Variants in TJP1 observed in about 807,000 individuals in gnomAD.
The protein encoded by TJP1 is tight junction protein 1.
In TJP1, 43 loss-of-function variants were observed where a neutral mutation model predicts 194.2. The observed-to-expected ratio is 0.22, with a 90% CI of 0.17 to 0.29. TJP1 has a LOEUF of 0.29. Ranked by LOEUF, TJP1 falls within the 10% of genes least tolerant of loss-of-function variation. TJP1 has a pLI of 1.00. For missense variants in TJP1, 1,971 were observed against 2,185.7 expected, an observed-to-expected ratio of 0.90 and a Z score of 1.96; for synonymous variants, 801 against 779.0, an observed-to-expected ratio of 1.03 and a Z score of -0.47.
intron 1 of TJP1, among the ~76,000 whole-genome samples, chr15:29,809,518 C>A (rs149041100): frequency 6.6e-6 from 1 of 152,224 alleles, no homozygotes; most frequent in Non-Finnish European, 1.5e-5. Flanking sequence ...AAGAGGACCT[C>A]ATCAAGGAAA....
chr15:29,902,966 G>A (rs1018511000), intron 2 of TJP1, among the ~76,000 whole-genome samples: 9 of 151,852 alleles, frequency 5.9e-5, no homozygotes, highest in Non-Finnish European at 1.3e-4. Context: ...CCTGGAAGGC[G>A]GAAATTGTCA....
chr15:29,826,178 A>G (rs2050669780), upstream of TJP1, among the ~76,000 whole-genome samples: 1 of 152,168 alleles, frequency 6.6e-6, no homozygotes, highest in African/African-American at 2.4e-5. Context: ...AACACTAAAA[A>G]ACAAGTCTTT....
At chr15:29,948,304 C>T (rs552433687) in intron 2 of TJP1, among the ~76,000 whole-genome samples, 2 of 151,688 alleles carry the variant, frequency 1.3e-5, no homozygotes, top group Non-Finnish European at 2.9e-5. Context: ...ACCAAAGGCA[C>T]TGAGTGATAT....
intron 2 of TJP1, among the ~76,000 whole-genome samples, chr15:29,938,196 G>A (rs912258098): frequency 6.6e-6 from 1 of 152,168 alleles, no homozygotes; most frequent in Non-Finnish European, 1.5e-5. Context: ...CAATGGTATG[G>A]GAAGGTCGGT....
rs1314372887 is a variant in TJP1, at chr15:29,720,623, T to C, written c.2498A>G (p.Tyr833Cys). The C allele has an allele frequency of 3.7e-6, 6 of 1,614,042 alleles. No homozygotes were observed. The African/African-American group carries it at 4.0e-5, about 11-fold the overall frequency. ...AGAAGTGTGTCTACTGTCCGTGCTA[T>C]ACATTGAGTATTCACTACCTGGAGC... ...LSAPGSEYSM[Y>C]STDSRHTSDY... The change falls in exon 19 of 28, where the codon TAT (tyrosine) becomes TGT (cysteine). Residue 833 changes from tyrosine to cysteine, a missense_variant. Tyr to Cys is a radical substitution (Grantham distance 194). Transcript: ENST00000614355.
intron 23 of TJP1, among the ~76,000 whole-genome samples, chr15:29,714,537 C>CATATAA (rs758899560): frequency 1.1e-5 from 1 of 88,982 alleles, no homozygotes; most frequent in African/African-American, 4.8e-5. Flanking sequence ...TGCGCCCAGC[C>CATATAA]TTTTTTTTTT....
rs564016596 is a variant in TJP1 at position 29,750,610 on chromosome 15, TCTTA to T, written c.1011-7833_1011-7830del. Among the ~76,000 whole-genome samples the T allele has an allele frequency of 3.3e-5, 5 of 152,310 alleles. No homozygotes were observed. The South Asian group carries it at 1.0e-3, about 32-fold the overall frequency. ...GGTCGCCATTTCATAGCCCTTTCCC[TCTTA>T]CTTCTAGCTCTATGAACACCTTTCC... On this transcript the variant is annotated intron_variant, in intron 8 of 27. Transcript: ENST00000614355.
Position 29,745,996 on chromosome 15 carries a change from C to T in TJP1, c.1011-3215G>A, listed in dbSNP as rs555877326. 9.9e-5 allele frequency among the ~76,000 whole-genome samples: 15 copies of T among 152,260 alleles called. 1 individual carries two copies. The South Asian group carries it at 3.1e-3, about 32-fold the overall frequency. On this transcript the variant is annotated intron_variant, in intron 8 of 27. Transcript: ENST00000614355. ...GTGAAGTGGAGTTGGTGGATTTGAT[C>T]TATTTCACTTGTTCTAATAAGCATG...
intron 2 of TJP1, among the ~76,000 whole-genome samples, chr15:29,879,110 T>A (rs748701987): frequency 1.3e-5 from 2 of 152,044 alleles, no homozygotes; most frequent in Non-Finnish European, 2.9e-5. Context: ...GGAGACAGAG[T>A]GAGACTCCGT....
chr15:29,851,930 C>CA (rs796919776), intron 2 of TJP1, among the ~76,000 whole-genome samples: 82 of 148,148 alleles, frequency 5.5e-4, no homozygotes, highest in African/African-American at 1.6e-3. Context: ...CAATCACAGG[C>CA]AAAAAAAAAT....
At chr15:29,930,094 T>C (rs1166364552) in intron 2 of TJP1, among the ~76,000 whole-genome samples, 1 of 152,096 alleles carries the variant, frequency 6.6e-6, no homozygotes, top group Non-Finnish European at 1.5e-5. Flanking sequence ...ACCTATTCCC[T>C]CAAAATAAAC....
chr15:29,848,723 G>C (rs2051516410), intron 2 of TJP1, among the ~76,000 whole-genome samples: 1 of 152,102 alleles, frequency 6.6e-6, no homozygotes, highest in South Asian at 2.1e-4. Flanking sequence ...GCTGGGCATG[G>C]TGGCATGTGC....
chr15:29,717,451 C>T (rs2042633711), intron 22 of TJP1, among the ~76,000 whole-genome samples: 1 of 152,214 alleles, frequency 6.6e-6, no homozygotes, highest in South Asian at 2.1e-4. Context: ...ATTGGCAGTG[C>T]AATGAGGCCA....
intron 2 of TJP1, among the ~76,000 whole-genome samples, chr15:29,874,211 C>A (rs1032343013): frequency 2.6e-5 from 4 of 152,248 alleles, no homozygotes; most frequent in Admixed American, 6.5e-5. Flanking sequence ...CAAGATAGGG[C>A]CTGCGTCATG....
At chr15:29,958,579 T>C (rs559717179) in intron 1 of TJP1, among the ~76,000 whole-genome samples, 1 of 152,330 alleles carries the variant, frequency 6.6e-6, no homozygotes, top group South Asian at 2.1e-4. Flanking sequence ...ATACATCTTA[T>C]TAGGGAAACT....
At position 29,727,945 on chromosome 15, in the gene TJP1, T is replaced by C. The variant is rs946080630; in HGVS notation, c.2092A>G (p.Ile698Val). 3 of 1,613,900 alleles carry C rather than the reference T, an allele frequency of 1.9e-6. No homozygotes were observed. The highest frequency in any genetic ancestry group is 3.3e-5 in the Admixed American group (2 of 60,016). The change falls in exon 16 of 28, where the codon ATA becomes GTA. Residue 698 changes from isoleucine to valine, a missense_variant. Physicochemically the swap from Ile to Val is conservative, Grantham distance 29. Around this residue, in one of 5 missense-constraint regions of TJP1, gnomAD observed 402 missense variants for 484.2 expected, o/e 0.83. Coordinates refer to ENST00000614355, the MANE Select transcript of TJP1 (RefSeq NM_001330239.4). ...IIRLHTIKQI[I>V]DQDKHALLDV... ...AAGTTTTAATAACTTACTTGATCTA[T>C]GATTTGCTTTATTGTATGCAGGCGA...
intron 1 of TJP1, among the ~76,000 whole-genome samples, chr15:29,812,742 T>C (rs539660095): frequency 6.6e-6 from 1 of 152,354 alleles, no homozygotes; most frequent in East Asian, 1.9e-4. Flanking sequence ...GAGATAATCG[T>C]AGTATCTAAC....
At chr15:29,816,668 C>T (rs2049947688) in intron 1 of TJP1, among the ~76,000 whole-genome samples, 1 of 152,164 alleles carries the variant, frequency 6.6e-6, no homozygotes, top group Non-Finnish European at 1.5e-5. Flanking sequence ...CACTGCATCA[C>T]TCACTCAAGA....
chr15:29,710,942 G>A lies in TJP1; in HGVS notation c.4261C>T (p.Pro1421Ser), dbSNP rs1384439062. Residue 1421 changes from proline (P) to serine (S), a missense_variant, in exon 24 of 28, where the codon CCC (proline) becomes TCC (serine). Pro to Ser is a moderately conservative substitution (Grantham distance 74). Coordinates refer to ENST00000614355, the MANE Select transcript of TJP1 (RefSeq NM_001330239.4). Reference protein sequence around the residue: ...DRSFGEKRYEPIQATPPPPPL... With the variant: ...DRSFGEKRYESIQATPPPPPL... ...GGAGGAGGGGGAGTGGCCTGGATGG[G>A]TTCATAGCGTTTCTCGCCAAATGAT... 1 of 1,614,128 alleles carries A rather than the reference G, an allele frequency of 6.2e-7. No individual in the cohort carries two copies. The highest frequency in any genetic ancestry group is 8.5e-7 in the Non-Finnish European group (1 of 1,180,016).
Sources: allele counts gnomAD v4.1 joint callset (sites outside exome capture counted in the v4.1 genomes callset), GRCh38; gene constraint gnomAD v4.1.1; regional missense constraint gnomAD v4.1.1; transcripts MANE v1.5; gene names NCBI Gene and HGNC (gene_info 2026-07-23, HGNC 2026-07-21).